Variants in DCAF10 observed in about 807,000 individuals in gnomAD.
DCAF10 encodes DDB1 and CUL4 associated factor 10, also known as DDB1- and CUL4-associated factor 10.
DCAF10 carries 19 observed loss-of-function variants against 51.9 expected under a neutral mutation model. The ratio of observed to expected loss-of-function variants is 0.37; its 90% CI spans 0.26 to 0.54. The LOEUF (loss-of-function observed/expected upper bound fraction) is 0.54, where lower values mean the gene tolerates loss of function less well. Ranked by LOEUF, DCAF10 falls within the 20% of genes least tolerant of loss-of-function variation. The pLI, the probability that DCAF10 is intolerant of heterozygous loss-of-function variation, is 0.87. For synonymous variants in DCAF10, 291 were observed against 297.1 expected, an observed-to-expected ratio of 0.98 and a Z score of 0.21; for missense variants, 510 against 730.6, an observed-to-expected ratio of 0.70 and a Z score of 3.48.
At chr9:37,803,441 C>T (rs916237752) in intron 1 of DCAF10, among the ~76,000 whole-genome samples, 3 of 151,884 alleles carry the variant, frequency 2.0e-5, no homozygotes, top group Non-Finnish European at 4.4e-5. Context: ...GGATAAATCC[C>T]TAGAATGAGT....
At chr9:37,819,199 C>G (rs1421074513) in intron 1 of DCAF10, 89 bp from the exon 2 acceptor site, 1 of 1,010,752 alleles carries the variant, frequency 9.9e-7, no homozygotes, top group Admixed American at 2.5e-5. Flanking sequence ...AGTTATTTAC[C>G]TATAGCTTGT....
chr9:37,864,712 G>T lies in DCAF10; in HGVS notation c.*3204G>T, dbSNP rs533304690. The T allele has an allele frequency of 1.3e-5, 2 of 152,120 alleles. No individual in the cohort carries two copies. The highest frequency in any genetic ancestry group is 4.2e-4 in the South Asian group (2 of 4,818). The allele number at this position is 152,120 out of a possible 1,614,324, so 9.4% of individuals were successfully genotyped here. ...ACATTCAAAAGAAGTTTCATAAATC[G>T]TATCAACTCTGGAAAGAGTTCATGT... is the stretch of plus-strand genomic sequence containing the variant. On this transcript the variant is annotated 3_prime_UTR_variant, in exon 7 of 7. Coordinates refer to ENST00000377724, the MANE Select transcript of DCAF10 (RefSeq NM_024345.5).
chr9:37,816,956 A>G (rs911734079), intron 1 of DCAF10, among the ~76,000 whole-genome samples: 13 of 152,244 alleles, frequency 8.5e-5, no homozygotes, highest in African/African-American at 2.7e-4. Context: ...TAGCCAAGAA[A>G]AAGTGTCAGT....
At chr9:37,840,030 G>A (rs1301664734) in intron 2 of DCAF10, among the ~76,000 whole-genome samples, 1 of 152,132 alleles carries the variant, frequency 6.6e-6, no homozygotes, top group Non-Finnish European at 1.5e-5. Context: ...GAAGCTCCCA[G>A]AATGCTTTGG....
At chr9:37,818,603 A>G (rs571830938) in intron 1 of DCAF10, among the ~76,000 whole-genome samples, 19 of 152,302 alleles carry the variant, frequency 1.2e-4, no homozygotes, top group African/African-American at 4.3e-4. Flanking sequence ...AACCTAAAAA[A>G]CCATGAAGGA....
intron 1 of DCAF10, among the ~76,000 whole-genome samples, chr9:37,806,249 C>A (rs72724165): frequency 1.3e-5 from 2 of 152,300 alleles, no homozygotes; most frequent in Non-Finnish European, 2.9e-5. Flanking sequence ...CAGTTACTGT[C>A]CCAAGCCTGT....
At chr9:37,839,712 A>G (rs192595349) in intron 2 of DCAF10, among the ~76,000 whole-genome samples, 19 of 152,232 alleles carry the variant, frequency 1.2e-4, no homozygotes, top group Admixed American at 1.2e-3. Flanking sequence ...AACCCTGACC[A>G]CTTAGGGAGT....
chr9:37,827,533 T>C (rs1829888033), intron 2 of DCAF10, among the ~76,000 whole-genome samples: 1 of 151,790 alleles, frequency 6.6e-6, no homozygotes, highest in South Asian at 2.1e-4. Flanking sequence ...TAAAATGTAA[T>C]ATATATATAT....
At chr9:37,815,432 G>T (rs1829495233) in intron 1 of DCAF10, among the ~76,000 whole-genome samples, 2 of 152,160 alleles carry the variant, frequency 1.3e-5, no homozygotes, top group Non-Finnish European at 2.9e-5. Flanking sequence ...ATCACCTGAG[G>T]TCAGCAGTTC....
intron 2 of DCAF10, among the ~76,000 whole-genome samples, chr9:37,827,079 G>T (rs1441550455): frequency 6.6e-6 from 1 of 152,022 alleles, no homozygotes; most frequent in African/African-American, 2.4e-5. Context: ...ACCTGCCTTG[G>T]TCTCCCAAAG....
intron 2 of DCAF10, among the ~76,000 whole-genome samples, chr9:37,834,566 A>G (rs1830096070): frequency 6.6e-6 from 1 of 152,158 alleles, no homozygotes; most frequent in South Asian, 2.1e-4. Flanking sequence ...CATTCTAATA[A>G]TCTCTCTTCC....
intron 3 of DCAF10, among the ~76,000 whole-genome samples, chr9:37,847,300 TA>T (rs369533909): frequency 0.038 from 4,037 of 107,284 alleles, 188 homozygotes; most frequent in African/African-American, 0.12. Context: ...CAAATATTCC[TA>T]AAAAAAAAAA....
intron 1 of DCAF10, among the ~76,000 whole-genome samples, chr9:37,811,658 T>C (rs1487139331): frequency 2.0e-5 from 3 of 151,856 alleles, no homozygotes; most frequent in African/African-American, 7.3e-5. Flanking sequence ...AGCTTGAGAA[T>C]AGATGAGAAA....
intron 5 of DCAF10, among the ~76,000 whole-genome samples, chr9:37,857,958 A>T (rs745383794): frequency 7.2e-5 from 11 of 152,126 alleles, no homozygotes; most frequent in Non-Finnish European, 1.2e-4. Context: ...CTTCATACTA[A>T]CTGACGTCTA....
chr9:37,838,422 TAAAA>T (rs751130650), intron 2 of DCAF10, among the ~76,000 whole-genome samples: 1 of 147,514 alleles, frequency 6.8e-6, no homozygotes, highest in Non-Finnish European at 1.5e-5. Context: ...TTGGCTACAT[TAAAA>T]AAAACTTACA....
At chr9:37,832,055 A>C (rs1830023311) in intron 2 of DCAF10, 1 of 152,182 alleles carries the variant, frequency 6.6e-6, no homozygotes, top group Non-Finnish European at 1.5e-5. Flanking sequence ...CATTTAAAAA[A>C]TTAGTACCTA....
intron 3 of DCAF10, among the ~76,000 whole-genome samples, chr9:37,849,795 G>A (rs1158568062): frequency 2.6e-5 from 4 of 152,058 alleles, no homozygotes; most frequent in African/African-American, 7.3e-5. Context: ...AAGGAGAATC[G>A]CTTGAACCTG....
chr9:37,819,516 C>A, intron 2 of DCAF10, 115 bp downstream of exon 2: 1 of 635,396 alleles, frequency 1.6e-6, no homozygotes, highest in Non-Finnish European at 2.6e-6. Context: ...AGATGATCCA[C>A]ATTGTGAATT....
At chr9:37,845,645 C>G (rs1830452872) in intron 3 of DCAF10, among the ~76,000 whole-genome samples, 1 of 152,148 alleles carries the variant, frequency 6.6e-6, no homozygotes, top group African/African-American at 2.4e-5. Flanking sequence ...CTGAGTTACC[C>G]TCTGACACCC....
Sources: gnomAD v4.1 joint callset for allele counts (sites outside exome capture counted in the v4.1 genomes callset) on GRCh38, gnomAD v4.1.1 for gene constraint, MANE v1.5 for transcripts, NCBI Gene and HGNC (gene_info 2026-07-23, HGNC 2026-07-21) for gene names.